Variants in PCDHA7 observed in about 807,000 individuals in gnomAD.
The protein encoded by PCDHA7 is protocadherin alpha 7.
A neutral mutation model predicts 57.2 loss-of-function variants in PCDHA7; 37 were observed. The ratio of observed to expected loss-of-function variants is 0.65; its 90% confidence interval spans 0.50 to 0.85. PCDHA7 has a LOEUF of 0.85. Among genes scored for constraint, PCDHA7 ranks in the 40% least tolerant of loss-of-function variants. The probability of loss-of-function intolerance (pLI) is 0.00; values close to 1 mark genes in which losing one functional copy is unlikely to be tolerated. For missense variants in PCDHA7, 1,188 were observed against 1,241.8 expected (o/e 0.96, Z 0.65); for synonymous variants, 553 against 558.8 (o/e 0.99, Z 0.15).
chr5:140,964,880 C>T (rs2095860447), intron 1 of PCDHA7, among the ~76,000 whole-genome samples: 1 of 152,168 alleles, frequency 6.6e-6, no homozygotes, highest in Admixed American at 6.5e-5. Context: ...TAAGAAGCAG[C>T]AGTGATAGGA....
At chr5:140,975,068 C>G (rs1273763502) in intron 1 of PCDHA7, among the ~76,000 whole-genome samples, 2 of 152,134 alleles carry the variant, frequency 1.3e-5, no homozygotes, top group Non-Finnish European at 2.9e-5. Context: ...CGAGCTCATT[C>G]AGATTGTTGG....
chr5:140,981,698 A>C (rs1414640370), intron 2 of PCDHA7, among the ~76,000 whole-genome samples: 1 of 151,174 alleles, frequency 6.6e-6, no homozygotes, highest in Non-Finnish European at 1.5e-5. Context: ...TCATTCATTC[A>C]TTCATTCATT....
chr5:140,910,053 G>C (rs2074856503), intron 1 of PCDHA7, among the ~76,000 whole-genome samples: 1 of 152,170 alleles, frequency 6.6e-6, no homozygotes, highest in Non-Finnish European at 1.5e-5. Context: ...CATAATAAGT[G>C]ATCTTTTAAC....
At chr5:140,871,719 T>C in intron 1 of PCDHA7, 1 of 783,566 alleles carries the variant, frequency 1.3e-6, no homozygotes, top group Non-Finnish European at 1.9e-6. Context: ...CCTATTTCTC[T>C]TAATATTTGG....
intron 3 of PCDHA7, among the ~76,000 whole-genome samples, chr5:140,996,588 G>A (rs1031631617): frequency 3.2e-4 from 49 of 152,082 alleles, no homozygotes; most frequent in Admixed American, 2.0e-3. Flanking sequence ...AACAAGGGCC[G>A]CCTCCCCCCA....
chr5:140,925,905 G>A (rs1241819632), intron 1 of PCDHA7, among the ~76,000 whole-genome samples: 1 of 151,822 alleles, frequency 6.6e-6, no homozygotes, highest in Admixed American at 6.6e-5. Flanking sequence ...GATCGTCAAG[G>A]GCCGTTTGCA....
At chr5:140,991,078 A>T (rs1378051907) in intron 3 of PCDHA7, among the ~76,000 whole-genome samples, 1 of 152,188 alleles carries the variant, frequency 6.6e-6, no homozygotes, top group Non-Finnish European at 1.5e-5. Context: ...TGTTTCAGAT[A>T]AAAAAATTAA....
At position 140,850,728 on chromosome 5, in the gene PCDHA7, G is replaced by A. The variant is rs2150496245; in HGVS notation, c.2355+13990G>A. The A allele has an allele frequency of 8.1e-6, 13 of 1,598,072 alleles. 2 individuals are homozygous for A. Among genetic ancestry groups the A allele is most frequent in the Non-Finnish European group, 1.1e-5 (13 of 1,167,642 alleles). The stretch of plus-strand genomic sequence containing the variant: ...GCCGACGCTGGTGTGTTCTAGCGCG[G>A]TGGGGAGTTGGTCGTACTCGCAGCA... On this transcript the variant is annotated intron_variant, in intron 1 of 3. Coordinates refer to ENST00000525929, the MANE Select transcript of PCDHA7 (RefSeq NM_018910.3).
At chr5:140,882,333 C>A in intron 1 of PCDHA7, 1 of 1,614,220 alleles carries the variant, frequency 6.2e-7, no homozygotes, top group Non-Finnish European at 8.5e-7. Context: ...CTGATCCTCG[C>A]AGCCTGGGAG....
chr5:140,857,254 T>C (rs2044453142), intron 1 of PCDHA7: 2 of 1,598,512 alleles, frequency 1.3e-6, no homozygotes, highest in East Asian at 4.5e-5. Flanking sequence ...CCTACAAGAA[T>C]TACTACTCAT....
rs140949600 is a variant in PCDHA7, at chr5:140,848,602, C to G, written c.2355+11864C>G. Reference sequence around the variant, plus strand: ...AGCGGCCAGCTCCACTACTCCGTCCCGGAGGAAGCCGAACACGGCACCTTC... The same window carrying G: ...AGCGGCCAGCTCCACTACTCCGTCCGGGAGGAAGCCGAACACGGCACCTTC... On this transcript the variant is annotated intron_variant, in intron 1 of 3. Transcript: ENST00000525929. 8.2e-6 allele frequency: 13 copies of G among 1,593,476 alleles called. 1 individual carries two copies. In the South Asian group the frequency reaches 1.1e-4, roughly 14 times the overall value.
chr5:140,941,639 TC>T (rs2093135030), intron 1 of PCDHA7, among the ~76,000 whole-genome samples: 1 of 152,044 alleles, frequency 6.6e-6, no homozygotes, highest in Non-Finnish European at 1.5e-5. Context: ...ATTTCTGTCT[TC>T]CTACAACTTA....
Position 140,857,291 on chromosome 5 carries a change from G to A in PCDHA7, c.2355+20553G>A. 7 of 1,598,730 alleles carry A rather than the reference G, an allele frequency of 4.4e-6. 1 individual carries two copies. Among genetic ancestry groups the A allele is most frequent in the East Asian group, 4.5e-5 (2 of 44,850 alleles). On this transcript the variant is annotated intron_variant, in intron 1 of 3. Transcript: ENST00000525929. ...GGTGCTGGACAGCGCTCTGGACCGC[G>A]AGAGGGTGTCGGCCTATGAGCTGGT...
At chr5:140,932,899 CAAT>C (rs1317207926) in intron 1 of PCDHA7, among the ~76,000 whole-genome samples, 2 of 151,832 alleles carry the variant, frequency 1.3e-5, no homozygotes, top group Non-Finnish European at 3.0e-5. Context: ...TAGAGGGAAA[CAAT>C]AATATTTCAA....
chr5:140,839,690 G>A (rs1776366219), intron 1 of PCDHA7, among the ~76,000 whole-genome samples: 1 of 151,916 alleles, frequency 6.6e-6, no homozygotes, highest in African/African-American at 2.4e-5. Flanking sequence ...AGATTTTTTT[G>A]GGTAAATAAT....
intron 3 of PCDHA7, among the ~76,000 whole-genome samples, chr5:140,992,848 C>T (rs2097530967): frequency 6.6e-6 from 1 of 152,124 alleles, no homozygotes; most frequent in Non-Finnish European, 1.5e-5. Flanking sequence ...TGTATAACAA[C>T]CAGTTTCACT....
chr5:140,882,197 G>T, intron 1 of PCDHA7: 2 of 1,521,690 alleles, frequency 1.3e-6, no homozygotes, highest in Non-Finnish European at 1.8e-6. Flanking sequence ...CATAAAAATT[G>T]GGCCTTGAGA....
At chr5:140,970,920 G>A (rs957123423) in intron 1 of PCDHA7, among the ~76,000 whole-genome samples, 2 of 152,266 alleles carry the variant, frequency 1.3e-5, no homozygotes, top group Non-Finnish European at 2.9e-5. Flanking sequence ...TTTATCAGAA[G>A]TGCCTGGTGT....
Position 140,835,085 on chromosome 5 carries a change from C to T in PCDHA7, c.702C>T (p.Asp234=), listed in dbSNP as rs2150230592. ...TTCAATTACTCATCACGGTACTGGA[C>T]AACAATGACAATGCCCCAGTGTTCG... ...GTVQLLITVL[D]NNDNAPVFDR... is the part of the protein sequence containing the mutation. Residue 234 remains aspartate (D), a synonymous_variant, in exon 1 of 4, where the codon GAC becomes GAT. Transcript: ENST00000525929. 2 of 1,227,056 alleles carry T rather than the reference C, an allele frequency of 1.6e-6. No individual in the cohort carries two copies. The highest frequency in any genetic ancestry group is 2.4e-5 in the Admixed American group (1 of 40,828). 76.0% of individuals were successfully genotyped at this position (1,227,056 alleles called of 1,614,324 possible). A position where few individuals can be genotyped will look rare whatever the true frequency, so the allele number is the denominator to read the frequency against.
Sources: allele counts gnomAD v4.1 joint callset (sites outside exome capture counted in the v4.1 genomes callset), GRCh38; gene constraint gnomAD v4.1.1; transcripts MANE v1.5; gene names NCBI Gene and HGNC (gene_info 2026-07-23, HGNC 2026-07-21).